Variants in ESPNL observed in about 807,000 individuals in gnomAD.
ESPNL encodes espin-like protein.
In ESPNL, 49 loss-of-function variants were observed where a neutral mutation model predicts 46.8. The ratio of observed to expected loss-of-function variants is 1.05; its 90% CI spans 0.83 to 1.33. The LOEUF is 1.33. ESPNL is among the 40% of genes most tolerant of loss of function. ESPNL has a pLI of 0.00. For synonymous variants in ESPNL, 664 were observed against 662.1 expected, an observed-to-expected ratio of 1.00 and a Z score of -0.04; for missense variants, 1,540 against 1,436.6, an observed-to-expected ratio of 1.07 and a Z score of -1.16.
chr2:238,127,589 C>A (rs1330830512), intron 6 of ESPNL, 33 bp from the exon 7 acceptor site: 1 of 1,562,990 alleles, frequency 6.4e-7, no homozygotes. Context: ...CCAGCCCTTG[C>A]CCTTTCTGCA....
intron 3 of ESPNL, 88 bp downstream of exon 3, chr2:238,104,930 G>A: frequency 8.2e-7 from 1 of 1,214,984 alleles, no homozygotes; most frequent in South Asian, 1.7e-5. Flanking sequence ...GGGGGCTCCA[G>A]AGGGAACTGG....
In ESPNL at chr2:238,128,843, G is replaced by A. The variant is rs540187196; in HGVS notation, c.1352G>A (p.Arg451Gln). Residue 451 changes from arginine to glutamine, a missense_variant, in exon 8 of 9, where the codon CGG (arginine) becomes CAG (glutamine). Transcript: ENST00000343063. ...ERGQPIPEWK[R>Q]QVMVRKLQAR... ...GGCCAGCCCATCCCAGAGTGGAAGC[G>A]GCAGGTGATGGTGCGGAAGCTGCAG... 1.9e-6 allele frequency: 3 copies of A among 1,549,050 alleles called. No individual in the cohort carries two copies. The highest frequency in any genetic ancestry group is 2.4e-5 in the East Asian group (1 of 40,930).
rs1691769062 is a variant in ESPNL, at chr2:238,114,219, A to AGGTTC, written c.856-2683_856-2679dup. 6.6e-6 allele frequency among the ~76,000 whole-genome samples: 1 copy of AGGTTC among 151,838 alleles called. No homozygotes were observed. On this transcript the variant is annotated intron_variant, in intron 4 of 8. Coordinates refer to ENST00000343063, the MANE Select transcript of ESPNL (RefSeq NM_194312.4). The surrounding 1 kb of genome is among the most constrained non-coding windows in gnomAD (Gnocchi z 5.0). ...GATGGGGTCCGTCACTCTGGGGGAG[A>AGGTTC]GGTTCCCTTCCTCCTCCCCATGGCT...
chr2:238,123,166 G>A (rs72620837), intron 5 of ESPNL, among the ~76,000 whole-genome samples: 11,417 of 152,246 alleles, frequency 0.075, 719 homozygotes, highest in East Asian at 0.21. Flanking sequence ...CAGACAGCAA[G>A]TCAGTCCTAG....
intron 8 of ESPNL, 147 bp downstream of exon 8, chr2:238,129,051 G>A (rs1383368981): frequency 1.5e-5 from 21 of 1,431,760 alleles, no homozygotes; most frequent in South Asian, 8.9e-5. Context: ...TGCTTCCGCC[G>A]GAGGATGAAG....
intron 5 of ESPNL, among the ~76,000 whole-genome samples, chr2:238,120,856 GC>G (rs2106473922): frequency 1.3e-5 from 2 of 152,366 alleles, no homozygotes; most frequent in East Asian, 3.9e-4. Flanking sequence ...CGCAGGGGCT[GC>G]TCACACTGGC....
At chr2:238,130,016 G>T (rs1447081617) in intron 8 of ESPNL, 112 bp from the exon 9 acceptor site, 3 of 1,228,992 alleles carry the variant, frequency 2.4e-6, no homozygotes, top group Non-Finnish European at 3.4e-6. Context: ...CTTACCTTGG[G>T]GCAGGACCAG....
chr2:238,113,538 T>C (rs1218476237), intron 4 of ESPNL, among the ~76,000 whole-genome samples: 1 of 152,230 alleles, frequency 6.6e-6, no homozygotes, highest in East Asian at 1.9e-4. Context: ...TTTCCTTGTA[T>C]TTTTATTTTT....
chr2:238,123,069 G>A (rs1032760658), intron 5 of ESPNL, among the ~76,000 whole-genome samples: 3 of 152,168 alleles, frequency 2.0e-5, no homozygotes, highest in Admixed American at 6.5e-5. Flanking sequence ...CCCAGGTGGT[G>A]CGAGTTGGGT....
At chr2:238,128,403 C>T (rs1559267952) in intron 7 of ESPNL, among the ~76,000 whole-genome samples, 1 of 152,216 alleles carries the variant, frequency 6.6e-6, no homozygotes, top group South Asian at 2.1e-4. Flanking sequence ...GGATACGGTG[C>T]GCTCCGCGAG....
chr2:238,127,377 G>A (rs1216082208), intron 6 of ESPNL: 7 of 1,280,954 alleles, frequency 5.5e-6, no homozygotes, highest in East Asian at 3.3e-5. Context: ...AGGAGGGGCC[G>A]CGGCGTGGCC....
chr2:238,114,134 C>T lies in ESPNL; in HGVS notation c.856-2769C>T, dbSNP rs1232410163. Among the ~76,000 whole-genome samples, 1 of 152,202 alleles carries T rather than the reference C, an allele frequency of 6.6e-6. No individual in the cohort carries two copies. Among genetic ancestry groups the T allele is most frequent in the Non-Finnish European group, 1.5e-5 (1 of 68,034 alleles). The stretch of plus-strand genomic sequence containing the variant: ...CTTTTCCACTGCTGTGGCCTCTGCA[C>T]AGACTTCCAGACAGAGTTCTGTCTG... On this transcript the variant is annotated intron_variant, in intron 4 of 8. Transcript: ENST00000343063. The surrounding 1 kb of genome is among the most constrained non-coding windows in gnomAD (Gnocchi z 5.0).
In ESPNL at chr2:238,131,260, C is replaced by G. The variant is rs1186672478; in HGVS notation, c.2546C>G (p.Pro849Arg). The change falls in exon 9 of 9, where the codon CCC (proline) becomes CGC (arginine). Residue 849 changes from proline to arginine, a missense_variant. Coordinates refer to ENST00000343063, the MANE Select transcript of ESPNL (RefSeq NM_194312.4). ...FLPHVDGAPVPYSSLSLDLFM... is the reference protein window; with the variant it reads ...FLPHVDGAPVRYSSLSLDLFM... Reference sequence around the variant, plus strand: ...CCCCACGTGGACGGGGCTCCGGTGCCCTACAGCAGCCTCTCACTGGATCTC... The same window carrying G: ...CCCCACGTGGACGGGGCTCCGGTGCGCTACAGCAGCCTCTCACTGGATCTC... 3 of 1,575,130 alleles carry G rather than the reference C, an allele frequency of 1.9e-6. No individual in the cohort carries two copies. The highest frequency in any genetic ancestry group is 2.6e-6 in the Non-Finnish European group (3 of 1,162,774).
At chr2:238,107,670 T>C in intron 3 of ESPNL, 121 bp from the exon 4 acceptor site, 4 of 1,037,760 alleles carry the variant, frequency 3.9e-6, no homozygotes, top group Non-Finnish European at 5.5e-6. Context: ...TTTCCTGAGG[T>C]TGTACCCTGT....
In ESPNL at chr2:238,108,339, A is replaced by AT. The variant is rs1363590642; in HGVS notation, c.855+368dup. 2.6e-5 allele frequency among the ~76,000 whole-genome samples: 4 copies of AT among 152,202 alleles called. No homozygotes were observed. In the East Asian group the frequency reaches 5.8e-4, roughly 22 times the overall value. On this transcript the variant is annotated intron_variant, in intron 4 of 8. Transcript: ENST00000343063. ...GGGGTGTGATGTCAGCCCCTTTGCTATTACCCAGATAAATCTTGGGGGCTC... is the reference window on the plus strand; with the variant it reads ...GGGGTGTGATGTCAGCCCCTTTGCTATTTACCCAGATAAATCTTGGGGGCTC...
chr2:238,109,499 C>T (rs1006273169), intron 4 of ESPNL, among the ~76,000 whole-genome samples: 2 of 152,128 alleles, frequency 1.3e-5, no homozygotes, highest in Non-Finnish European at 2.9e-5. Flanking sequence ...TATAGGCGCA[C>T]GCCACCACGC....
intron 8 of ESPNL, 88 bp from the exon 9 acceptor site, chr2:238,130,040 A>G: frequency 4.9e-6 from 7 of 1,442,580 alleles, no homozygotes; most frequent in Middle Eastern, 2.6e-4. Flanking sequence ...CTCTGCAGAG[A>G]TACTGAGAAC....
intron 8 of ESPNL, among the ~76,000 whole-genome samples, chr2:238,129,788 C>G (rs1424138797): frequency 6.6e-6 from 1 of 152,262 alleles, no homozygotes; most frequent in Non-Finnish European, 1.5e-5. Flanking sequence ...GTCGCACCAG[C>G]CACCTGTCGT....
At chr2:238,121,744 T>G (rs1242824715) in intron 5 of ESPNL, among the ~76,000 whole-genome samples, 2 of 152,224 alleles carry the variant, frequency 1.3e-5, no homozygotes, top group Non-Finnish European at 2.9e-5. Context: ...GAGCACCCAA[T>G]GAGGCGCCTG....
Sources: gnomAD v4.1 joint callset for allele counts (sites outside exome capture counted in the v4.1 genomes callset) on GRCh38, gnomAD v4.1.1 for gene constraint, Gnocchi (gnomAD v3.1) non-coding constraint, MANE v1.5 for transcripts, NCBI Gene and HGNC (gene_info 2026-07-23, HGNC 2026-07-21) for gene names.